The following CACNA1C variants were observed in gnomAD, a reference collection of about 807,000 sequenced individuals.
CACNA1C encodes the protein voltage-dependent L-type calcium channel subunit alpha-1C.
In CACNA1C, 30 loss-of-function variants were observed where a neutral mutation model predicts 229.0. The ratio of observed to expected loss-of-function variants is 0.13; its 90% CI spans 0.10 to 0.18. The LOEUF (loss-of-function observed/expected upper bound fraction) is 0.18, where lower values mean the gene tolerates loss of function less well. CACNA1C is among the 10% of genes least tolerant of loss of function. The pLI is 1.00. For missense variants in CACNA1C, 1,658 were observed against 2,845.0 expected (o/e 0.58, Z 9.49); for synonymous variants, 1,114 against 1,132.5 (o/e 0.98, Z 0.33).
At chr12:2,375,124 T>G (rs1171268774) in intron 3 of CACNA1C, among the ~76,000 whole-genome samples, 1 of 152,212 alleles carries the variant, frequency 6.6e-6, no homozygotes, top group Non-Finnish European at 1.5e-5. Flanking sequence ...AAGTCAGGGT[T>G]GGAACATGAA....
At chr12:2,208,087 T>C (rs951685339) in intron 3 of CACNA1C, among the ~76,000 whole-genome samples, 2 of 152,130 alleles carry the variant, frequency 1.3e-5, no homozygotes, top group African/African-American at 4.8e-5. Context: ...AGCAACCACA[T>C]ACGCCATGGC....
chr12:2,688,658 C>T lies in CACNA1C; in HGVS notation c.5996C>T (p.Thr1999Ile), dbSNP rs532551057. 3.7e-5 allele frequency: 60 copies of T among 1,613,636 alleles called. No homozygotes were observed. The highest frequency in any genetic ancestry group is 3.3e-4 in the Middle Eastern group (2 of 6,062). ...CACTGCGGCTCCTGGGCTGAGACCA[C>T]CCCCGGTGGCGGGGGCAGCAGCGCC... ...SIHCGSWAETTPGGGGSSAAR... is the reference protein window; with the variant it reads ...SIHCGSWAETIPGGGGSSAAR... The change falls in exon 46 of 47, where the codon ACC becomes ATC. Residue 1999 changes from threonine (T) to isoleucine (I), a missense_variant. Coordinates refer to ENST00000399655, the MANE Select transcript of CACNA1C (RefSeq NM_000719.7).
In CACNA1C at chr12:2,449,035, C is replaced by T. The variant is rs369673473; in HGVS notation, c.537C>T (p.Ile179=). 134 of 1,601,044 alleles carry T rather than the reference C, an allele frequency of 8.4e-5. No individual in the cohort carries two copies. In the African/African-American group the frequency reaches 1.2e-3, roughly 15 times the overall value. ...IFTVEAFLKV[I]AYGLLFHPNA... The stretch of plus-strand genomic sequence containing the variant: ...CGGTGGAAGCGTTTTTAAAAGTAAT[C>T]GCCTATGGACTCCTCTTTCACCCCA... Residue 179 remains isoleucine (I), a synonymous_variant, in exon 4 of 47, where the codon ATC becomes ATT. Coordinates refer to ENST00000399655, the MANE Select transcript of CACNA1C (RefSeq NM_000719.7).
chr12:2,283,311 T>C (rs2091914446), intron 3 of CACNA1C, among the ~76,000 whole-genome samples: 1 of 152,198 alleles, frequency 6.6e-6, no homozygotes, highest in African/African-American at 2.4e-5. Context: ...TGACAAAGTA[T>C]CTTACCTTTT....
chr12:2,540,126 G>A (rs1364616047), intron 9 of CACNA1C, among the ~76,000 whole-genome samples: 4 of 152,172 alleles, frequency 2.6e-5, no homozygotes, highest in South Asian at 2.1e-4. Flanking sequence ...GTCCACCCAC[G>A]GACGTCCTGC....
At chr12:2,554,797 C>T (rs1241624431) in intron 10 of CACNA1C, among the ~76,000 whole-genome samples, 4 of 152,208 alleles carry the variant, frequency 2.6e-5, no homozygotes, top group African/African-American at 9.6e-5. Flanking sequence ...TCCCCATGGG[C>T]ATGGAGTTTT....
intron 1 of CACNA1C, among the ~76,000 whole-genome samples, chr12:2,089,118 A>G (rs774792349): frequency 5.9e-5 from 9 of 152,088 alleles, no homozygotes; most frequent in African/African-American, 9.7e-5. Flanking sequence ...TGAGGGATTC[A>G]TGGTTCGTGC....
intron 3 of CACNA1C, among the ~76,000 whole-genome samples, chr12:2,420,508 C>T (rs1446893956): frequency 6.6e-6 from 1 of 152,204 alleles, no homozygotes; most frequent in Non-Finnish European, 1.5e-5. Context: ...AGTCCTGAAG[C>T]AGGTATGTGT....
intron 1 of CACNA1C, among the ~76,000 whole-genome samples, chr12:2,047,086 T>C (rs1178406211): frequency 6.6e-6 from 1 of 152,232 alleles, no homozygotes; most frequent in Non-Finnish European, 1.5e-5. Context: ...TTGCCCACAG[T>C]AGCGGCCAGT....
chr12:2,114,288 C>T (rs946138972), intron 1 of CACNA1C, among the ~76,000 whole-genome samples: 10 of 152,206 alleles, frequency 6.6e-5, no homozygotes, highest in African/African-American at 2.4e-4. Context: ...TTCCTCACAG[C>T]ATGGCAGCTC....
At chr12:2,016,812 A>G (rs907679329) in intron 1 of CACNA1C, among the ~76,000 whole-genome samples, 1 of 152,232 alleles carries the variant, frequency 6.6e-6, no homozygotes, top group Non-Finnish European at 1.5e-5. Flanking sequence ...GGTATTACCT[A>G]AGGTGCCAGA....
intron 3 of CACNA1C, among the ~76,000 whole-genome samples, chr12:2,434,911 A>G (rs111437284): frequency 0.011 from 1,629 of 152,262 alleles, 37 homozygotes; most frequent in African/African-American, 0.037. Context: ...ATTGCTTTTC[A>G]TATTTATTTC....
At chr12:2,362,655 A>C (rs2097587924) in intron 3 of CACNA1C, among the ~76,000 whole-genome samples, 1 of 152,166 alleles carries the variant, frequency 6.6e-6, no homozygotes, top group Admixed American at 6.5e-5. Context: ...CACAGTAGGC[A>C]CTCAGTGTTT....
At chr12:2,065,167 A>G (rs897029141) in intron 1 of CACNA1C, among the ~76,000 whole-genome samples, 3 of 152,164 alleles carry the variant, frequency 2.0e-5, no homozygotes, top group African/African-American at 7.2e-5. Context: ...TGCCTGAGAC[A>G]TCCTGGGGAT....
chr12:2,187,275 G>A (rs2097062920), intron 3 of CACNA1C, among the ~76,000 whole-genome samples: 1 of 152,152 alleles, frequency 6.6e-6, no homozygotes, highest in Non-Finnish European at 1.5e-5. Context: ...GTGGAGCTAG[G>A]ACCCAGTCGA....
rs562474208 is a variant in CACNA1C, at chr12:2,677,331, G to A, written c.4956+110G>A. Reference sequence around the variant, plus strand: ...GCAGGCTGGAGGCCAGGTCCCTGCAGAGGGAACCTTTCAGAGAGCTCCAGA... The same window carrying A: ...GCAGGCTGGAGGCCAGGTCCCTGCAAAGGGAACCTTTCAGAGAGCTCCAGA... On this transcript the variant is annotated intron_variant, in intron 40 of 46. Transcript: ENST00000399655. This position sits in a 1 kb window ranked among gnomAD's most constrained non-coding sequence, Gnocchi z 7.4. 22 of 1,251,678 alleles carry A rather than the reference G, an allele frequency of 1.8e-5. No homozygotes were observed. The South Asian group carries it at 2.7e-4, about 16-fold the overall frequency. 77.5% of individuals were successfully genotyped at this position (1,251,678 alleles called of 1,614,324 possible).
intron 3 of CACNA1C, among the ~76,000 whole-genome samples, chr12:2,350,709 G>T (rs2097180294): frequency 6.6e-6 from 1 of 152,232 alleles, no homozygotes; most frequent in African/African-American, 2.4e-5. Context: ...GCTGCCATTG[G>T]CCTGAATGGA....
At position 2,503,262 on chromosome 12, in the gene CACNA1C, G is replaced by A. The variant is rs77858125; in HGVS notation, c.1114-1580G>A. Among the ~76,000 whole-genome samples the A allele has an allele frequency of 0.023, 3,484 of 152,210 alleles. 229 individuals are homozygous for A. In the East Asian group the frequency reaches 0.27, roughly 12 times the overall value. ...CAGGTGACGCTGAAGCTGTTCGTCC[G>A]TGGGCCACACTTTGAGAGCCATTGA... is the stretch of plus-strand genomic sequence containing the variant. On this transcript the variant is annotated intron_variant, in intron 7 of 46. Coordinates refer to ENST00000399655, the MANE Select transcript of CACNA1C (RefSeq NM_000719.7).
intron 43 of CACNA1C, among the ~76,000 whole-genome samples, chr12:2,684,059 G>GA (rs894727712): frequency 6.6e-6 from 1 of 152,166 alleles, no homozygotes; most frequent in African/African-American, 2.4e-5. Context: ...GAGGTGGTGG[G>GA]AGGGGACACC....
Sources: gnomAD v4.1 joint callset for allele counts (sites outside exome capture counted in the v4.1 genomes callset) on GRCh38, gnomAD v4.1.1 for gene constraint, Gnocchi (gnomAD v3.1) non-coding constraint, MANE v1.5 for transcripts, NCBI Gene and HGNC (gene_info 2026-07-23, HGNC 2026-07-21) for gene names.